The following WWOX variants were observed in gnomAD, a reference collection of about 807,000 sequenced individuals.
WWOX encodes WW domain containing oxidoreductase.
WWOX carries 69 observed loss-of-function variants against 46.2 expected under a neutral mutation model. The observed-to-expected ratio is 1.49, with a 90% confidence interval of 1.23 to 1.82. The LOEUF (loss-of-function observed/expected upper bound fraction) is 1.82, where lower values mean the gene tolerates loss of function less well. WWOX is among the 40% of genes most tolerant of loss of function. The probability of loss-of-function intolerance (pLI) is 0.00; values close to 1 mark genes in which losing one functional copy is unlikely to be tolerated. For missense variants in WWOX, 919 were observed against 542.6 expected (o/e 1.69, Z -6.89); for synonymous variants, 359 against 202.6 (o/e 1.77, Z -6.56).
intron 8 of WWOX, among the ~76,000 whole-genome samples, chr16:78,697,436 G>A (rs541709691): frequency 2.0e-5 from 3 of 152,266 alleles, no homozygotes; most frequent in African/African-American, 7.2e-5. Context: ...CTTTTGCCCA[G>A]CAAAAGGAAC....
At chr16:78,549,686 A>T (rs1464781134) in intron 8 of WWOX, among the ~76,000 whole-genome samples, 2 of 152,188 alleles carry the variant, frequency 1.3e-5, no homozygotes, top group East Asian at 3.9e-4. Context: ...AAACTGAACA[A>T]CATTAGCAAA....
intron 8 of WWOX, among the ~76,000 whole-genome samples, chr16:78,882,027 G>A (rs2044352693): frequency 6.6e-6 from 1 of 152,142 alleles, no homozygotes; most frequent in Non-Finnish European, 1.5e-5. Flanking sequence ...TCTGAAGGCT[G>A]AGGCAGGATA....
chr16:78,805,611 G>A (rs779138251), intron 8 of WWOX, among the ~76,000 whole-genome samples: 1 of 152,142 alleles, frequency 6.6e-6, no homozygotes, highest in East Asian at 1.9e-4. Context: ...CATCTTGAAG[G>A]TAGATGCAGA....
intron 8 of WWOX, among the ~76,000 whole-genome samples, chr16:78,490,142 T>TA (rs2084743039): frequency 6.6e-6 from 1 of 151,972 alleles, no homozygotes; most frequent in South Asian, 2.1e-4. Context: ...AATTTTTTTT[T>TA]TTTTTTTGGT....
intron 8 of WWOX, among the ~76,000 whole-genome samples, chr16:78,910,027 G>A (rs2045067526): frequency 6.6e-6 from 1 of 152,132 alleles, no homozygotes; most frequent in African/African-American, 2.4e-5. Flanking sequence ...AATTACATTT[G>A]ATGTAATTGC....
intron 6 of WWOX, among the ~76,000 whole-genome samples, chr16:78,407,983 C>A (rs1042916533): frequency 6.6e-6 from 1 of 152,176 alleles, no homozygotes; most frequent in Non-Finnish European, 1.5e-5. Context: ...GCCAAGTCCC[C>A]TGTCCCTGCT....
At chr16:78,522,916 A>G (rs975225178) in intron 8 of WWOX, among the ~76,000 whole-genome samples, 2 of 152,174 alleles carry the variant, frequency 1.3e-5, no homozygotes, top group African/African-American at 4.8e-5. Flanking sequence ...CACTAAAAAT[A>G]CAAAAATTAG....
chr16:79,037,362 A>G (rs1567505732), intron 8 of WWOX, among the ~76,000 whole-genome samples: 1 of 152,242 alleles, frequency 6.6e-6, no homozygotes, highest in Admixed American at 6.5e-5. Flanking sequence ...GGAAGAATGG[A>G]TATTCCTAGG....
intron 8 of WWOX, among the ~76,000 whole-genome samples, chr16:78,821,821 C>T (rs146500367): frequency 6.6e-6 from 1 of 152,294 alleles, no homozygotes; most frequent in Non-Finnish European, 1.5e-5. Flanking sequence ...ATCGTAGATT[C>T]AGGCTTCTGA....
rs897496192 is a variant in WWOX, at chr16:78,250,570, A to G, written c.516+86281A>G. 7.9e-5 allele frequency among the ~76,000 whole-genome samples: 12 copies of G among 152,256 alleles called. 1 individual carries two copies. Among genetic ancestry groups the G allele is most frequent in the East Asian group, 5.8e-4 (3 of 5,174 alleles). On this transcript the variant is annotated intron_variant, in intron 5 of 8. Coordinates refer to ENST00000566780, the MANE Select transcript of WWOX (RefSeq NM_016373.4). ...GGAGGTGCTGTCATGCTGAACCCCT[A>G]TTAACCTCAATAGGAAAGGCACCAG... is the stretch of plus-strand genomic sequence containing the variant.
chr16:79,004,810 G>T (rs1435032655), intron 8 of WWOX: 4 of 152,318 alleles, frequency 2.6e-5, no homozygotes, highest in Admixed American at 2.6e-4. Flanking sequence ...TAATAAAAAG[G>T]CACAGCAGGC....
intron 8 of WWOX, among the ~76,000 whole-genome samples, chr16:78,922,197 C>G (rs1458230598): frequency 1.3e-5 from 2 of 152,022 alleles, no homozygotes; most frequent in Non-Finnish European, 2.9e-5. Flanking sequence ...AACTGTGGTA[C>G]AGTGTCCCTA....
intron 8 of WWOX, among the ~76,000 whole-genome samples, chr16:78,756,083 A>G (rs1236612800): frequency 6.6e-6 from 1 of 152,114 alleles, no homozygotes; most frequent in Non-Finnish European, 1.5e-5. Context: ...TCAGTCTTTT[A>G]TTTGAAAAAG....
chr16:78,745,222 T>G (rs144016504), intron 8 of WWOX, among the ~76,000 whole-genome samples: 1 of 152,210 alleles, frequency 6.6e-6, no homozygotes, highest in East Asian at 1.9e-4. Context: ...GGCACTTGAT[T>G]AGTTCTTCCT....
chr16:78,567,136 A>C (rs1435691948), intron 8 of WWOX, among the ~76,000 whole-genome samples: 1 of 152,238 alleles, frequency 6.6e-6, no homozygotes, highest in Non-Finnish European at 1.5e-5. Context: ...AAAGATCACA[A>C]GCCCAACCCT....
At chr16:78,938,708 T>C (rs2045792306) in intron 8 of WWOX, among the ~76,000 whole-genome samples, 1 of 152,162 alleles carries the variant, frequency 6.6e-6, no homozygotes, top group Non-Finnish European at 1.5e-5. Flanking sequence ...GTGTCTTTGT[T>C]CTAGTGCAGC....
intron 8 of WWOX, among the ~76,000 whole-genome samples, chr16:79,184,360 T>C (rs1344757141): frequency 6.6e-6 from 1 of 152,146 alleles, no homozygotes; most frequent in Non-Finnish European, 1.5e-5. Context: ...ACAGTGGCAA[T>C]GCATGTAGGA....
At chr16:78,193,616 A>G (rs1395747199) in intron 5 of WWOX, among the ~76,000 whole-genome samples, 3 of 24,530 alleles carry the variant, frequency 1.2e-4, no homozygotes, top group African/African-American at 2.8e-4. Context: ...TAGAATTCTT[A>G]TGGAAAATAT....
intron 8 of WWOX, among the ~76,000 whole-genome samples, chr16:78,976,845 TG>T (rs2046582638): frequency 1.3e-5 from 2 of 152,204 alleles, no homozygotes; most frequent in African/African-American, 4.8e-5. Flanking sequence ...GTTGCAAACA[TG>T]GAGGGCAGAG....
Sources: allele counts gnomAD v4.1 joint callset (sites outside exome capture counted in the v4.1 genomes callset), GRCh38; gene constraint gnomAD v4.1.1; transcripts MANE v1.5; gene names NCBI Gene and HGNC (gene_info 2026-07-23, HGNC 2026-07-21).